EVL: variants seen among roughly 807,000 people sequenced by gnomAD.
EVL encodes ena/VASP-like protein.
Under a neutral mutation model 59.6 loss-of-function variants are expected in EVL, and 21 were observed. The ratio of observed to expected loss-of-function variants is 0.35; its 90% CI spans 0.25 to 0.51. The LOEUF (loss-of-function observed/expected upper bound fraction) is 0.51, where lower values mean the gene tolerates loss of function less well. Ranked by LOEUF, EVL falls within the 20% of genes least tolerant of loss-of-function variation. EVL has a pLI of 0.97. For missense variants in EVL, 462 were observed against 546.6 expected (o/e 0.85, Z 1.54); for synonymous variants, 198 against 203.5 (o/e 0.97, Z 0.23).
rs78302270 is a variant in EVL at position 100,057,971 on chromosome 14, C to G, written c.6-26716C>G. On this transcript the variant is annotated intron_variant, in intron 1 of 13. Coordinates refer to the EVL transcript ENST00000402714. ...CTCAAAACACCCTGCCTTCTTAACA[C>G]AAATTCTCATGAAATGTCATTATTA... Among the ~76,000 whole-genome samples the G allele has an allele frequency of 6.7e-3, 1,025 of 152,334 alleles. 9 individuals carry two copies. Among genetic ancestry groups the G allele is most frequent in the African/African-American group, 0.024 (982 of 41,574 alleles).
At chr14:100,079,159 C>T (rs991293919) in intron 1 of EVL, among the ~76,000 whole-genome samples, 2 of 152,200 alleles carry the variant, frequency 1.3e-5, no homozygotes, top group East Asian at 1.9e-4. Context: ...GGCTGAGCCT[C>T]GCTTTGCACA....
At chr14:100,043,605 CT>C (rs540453599) in intron 1 of EVL, among the ~76,000 whole-genome samples, 20,174 of 127,154 alleles carry the variant, frequency 0.16, 1,113 homozygotes, top group African/African-American at 0.23. Context: ...TTTCCTCTGC[CT>C]TTTTTTTTTT....
chr14:100,042,652 T>C (rs1189515049), intron 1 of EVL, among the ~76,000 whole-genome samples: 2 of 152,142 alleles, frequency 1.3e-5, no homozygotes, highest in Non-Finnish European at 2.9e-5. Context: ...AGATTTCTTT[T>C]TGGAGACCAG....
chr14:100,028,130 G>GTTTTTTTTTTTTT (rs756735010), intron 1 of EVL, among the ~76,000 whole-genome samples: 2 of 99,602 alleles, frequency 2.0e-5, no homozygotes, highest in African/African-American at 4.9e-5. Context: ...TTTTTTGTTT[G>GTTTTTTTTTTTTT]TTTGTTTTTT....
At position 100,128,661 on chromosome 14, in the gene EVL, A is replaced by C. The variant is rs750105789; in HGVS notation, c.630A>C (p.Gly210=). ...TPPPPPPLPA[G]GAQGSSHDES... ...CTCCCCCACCCCCACTGCCAGCCGG[A>C]GGAGCCCAGGGGTCCAGCCACGACG... The change falls in exon 6 of 14, where the codon GGA becomes GGC. Residue 210 remains glycine (G), a synonymous_variant. Coordinates refer to ENST00000392920, the MANE Select transcript of EVL (RefSeq NM_016337.3). 1.4e-6 allele frequency: 2 copies of C among 1,387,594 alleles called. No individual in the cohort carries two copies. The highest frequency in any genetic ancestry group is 6.7e-5 in the East Asian group (2 of 29,984). The allele number at this position is 1,387,594 out of a possible 1,614,324, so 86.0% of individuals were successfully genotyped here.
At position 100,031,226 on chromosome 14, in the gene EVL, A is replaced by G. The variant is rs138319910; in HGVS notation, c.6-53461A>G. On this transcript the variant is annotated intron_variant, in intron 1 of 13. Transcript: ENST00000402714. ...CCACTCCTCAAACCTCTTAAGTCCAAATATGTGCAGGTGAAACCCAGACAT... is the reference window on the plus strand; with the variant it reads ...CCACTCCTCAAACCTCTTAAGTCCAGATATGTGCAGGTGAAACCCAGACAT... Among the ~76,000 whole-genome samples, 415 of 152,316 alleles carry G rather than the reference A, an allele frequency of 2.7e-3. 3 individuals are homozygous for G. The highest frequency in any genetic ancestry group is 9.6e-3 in the African/African-American group (399 of 41,572).
chr14:100,104,327 A>C (rs1345433085), intron 3 of EVL, among the ~76,000 whole-genome samples: 1 of 152,104 alleles, frequency 6.6e-6, no homozygotes, highest in East Asian at 1.9e-4. Context: ...CTTTATTGTA[A>C]TATCTGGTCC....
At position 100,128,597 on chromosome 14, in the gene EVL, C is replaced by G. The variant is rs375445728; in HGVS notation, c.566C>G (p.Pro189Arg). ...VSCSGPPPPP[P>R]PPVPPPPTGA... ...TGTAGTGGGCCTCCACCGCCCCCCC[C>G]ACCCCCAGTCCCACCTCCACCCACT... The change falls in exon 6 of 14, where the codon CCA becomes CGA. Residue 189 changes from proline to arginine, a missense_variant. Pro to Arg is a moderately radical substitution (Grantham distance 103). Transcript: ENST00000392920. 2.0e-6 allele frequency: 3 copies of G among 1,510,374 alleles called. No individual in the cohort carries two copies. The highest frequency in any genetic ancestry group is 1.8e-5 in the Admixed American group (1 of 55,260). 93.6% of individuals were successfully genotyped at this position (1,510,374 alleles called of 1,614,324 possible).
chr14:100,142,148 G>C (rs1177548184), intron 13 of EVL: 1 of 185,154 alleles, frequency 5.4e-6, no homozygotes, highest in Non-Finnish European at 1.1e-5. Flanking sequence ...TCCACCCCCT[G>C]GCGGTTTATA....
intron 1 of EVL, among the ~76,000 whole-genome samples, chr14:100,075,313 GACAGGTCTGTGTGAGC>G (rs930031860): frequency 2.2e-4 from 33 of 152,240 alleles, no homozygotes; most frequent in African/African-American, 7.2e-4. Flanking sequence ...GGAGTGCCCA[GACAGGTCTGTGTGAGC>G]ACCTCAGTGT....
At chr14:99,994,445 T>C (rs1191009) in intron 1 of EVL, among the ~76,000 whole-genome samples, 1 of 152,060 alleles carries the variant, frequency 6.6e-6, no homozygotes, top group South Asian at 2.1e-4. Flanking sequence ...TCTATAGATA[T>C]TTTACTTGTG....
At chr14:100,098,567 A>G (rs1885980370) in intron 3 of EVL, among the ~76,000 whole-genome samples, 1 of 152,240 alleles carries the variant, frequency 6.6e-6, no homozygotes, top group Non-Finnish European at 1.5e-5. Context: ...TCTCAGCAGG[A>G]CAGTTAAAGC....
At chr14:100,116,098 G>A (rs1343325391) in intron 3 of EVL, among the ~76,000 whole-genome samples, 1 of 152,228 alleles carries the variant, frequency 6.6e-6, no homozygotes, top group Non-Finnish European at 1.5e-5. Flanking sequence ...CCAGTTCACA[G>A]ACTCCATTCT....
intron 1 of EVL, among the ~76,000 whole-genome samples, chr14:99,995,058 C>T (rs1470999860): frequency 6.6e-6 from 1 of 152,180 alleles, no homozygotes; most frequent in East Asian, 1.9e-4. Context: ...AGTCACCTTT[C>T]TCTTGCTGCT....
At chr14:100,045,743 A>G (rs934475032) in intron 1 of EVL, among the ~76,000 whole-genome samples, 2 of 152,240 alleles carry the variant, frequency 1.3e-5, no homozygotes, top group Admixed American at 6.5e-5. Flanking sequence ...TGCCCTGGGC[A>G]GATCAGTAAA....
chr14:100,034,973 A>G (rs79287591), intron 1 of EVL, among the ~76,000 whole-genome samples: 1 of 152,230 alleles, frequency 6.6e-6, no homozygotes, highest in East Asian at 1.9e-4. Context: ...GTTGTTTACC[A>G]AGTTTATTTC....
At chr14:100,020,358 C>G (rs1442361612) in intron 1 of EVL, among the ~76,000 whole-genome samples, 3 of 151,944 alleles carry the variant, frequency 2.0e-5, no homozygotes, top group Admixed American at 2.0e-4. Flanking sequence ...AAGGGATGTT[C>G]CAATAGAAGG....
Position 100,128,649 on chromosome 14 carries a change from A to G in EVL, c.618A>G (p.Pro206=). Residue 206 remains proline (P), a synonymous_variant, in exon 6 of 14, where the codon CCA becomes CCG. Coordinates refer to ENST00000392920, the MANE Select transcript of EVL (RefSeq NM_016337.3). ...GGGCTACCCCACCTCCCCCACCCCC[A>G]CTGCCAGCCGGAGGAGCCCAGGGGT... ...PTGATPPPPP[P]LPAGGAQGSS... is the part of the protein sequence containing the mutation. The G allele has an allele frequency of 9.6e-7, 1 of 1,040,794 alleles. No homozygotes were observed. 64.5% of individuals were successfully genotyped at this position (1,040,794 alleles called of 1,614,324 possible).
At chr14:100,019,743 T>G in intron 1 of EVL, 1 of 1,501,770 alleles carries the variant, frequency 6.7e-7, no homozygotes, top group Non-Finnish European at 8.9e-7. Flanking sequence ...CTCGCTAGGT[T>G]TTTGCTGTGT....
Sources: gnomAD v4.1 joint callset for allele counts (sites outside exome capture counted in the v4.1 genomes callset) on GRCh38, gnomAD v4.1.1 for gene constraint, MANE v1.5 for transcripts, NCBI Gene and HGNC (gene_info 2026-07-23, HGNC 2026-07-21) for gene names.